Variants in KCNN3 observed in about 807,000 individuals in gnomAD.
KCNN3 encodes potassium calcium-activated channel subfamily N member 3, also known as small conductance calcium-activated potassium channel protein 3.
Under a neutral mutation model 62.9 loss-of-function variants are expected in KCNN3, and 16 were observed. That is an observed-to-expected ratio of 0.25 (90% CI 0.17 to 0.39). KCNN3 has a LOEUF of 0.39. Among genes scored for constraint, KCNN3 ranks in the 10% least tolerant of loss-of-function variants. The pLI is 1.00. For missense variants in KCNN3, 599 were observed against 949.4 expected, an observed-to-expected ratio of 0.63 and a Z score of 4.85; for synonymous variants, 370 against 389.2, an observed-to-expected ratio of 0.95 and a Z score of 0.58.
At chr1:154,799,769 C>T (rs1342608730) in intron 2 of KCNN3, among the ~76,000 whole-genome samples, 2 of 152,208 alleles carry the variant, frequency 1.3e-5, no homozygotes, top group Admixed American at 6.5e-5. Context: ...GCTTCTTGGT[C>T]AGCATGGTGG....
In KCNN3 at chr1:154,702,377, T is replaced by C. The variant is rs149723835; in HGVS notation, c.*5599A>G. 1 of 151,956 alleles carries C rather than the reference T, an allele frequency of 6.6e-6. No homozygotes were observed. The highest frequency in any genetic ancestry group is 2.4e-5 in the African/African-American group (1 of 41,464). The allele number at this position is 151,956 out of a possible 1,614,324, so 9.4% of individuals were successfully genotyped here. On this transcript the variant is annotated 3_prime_UTR_variant, in exon 8 of 8. Coordinates refer to ENST00000271915, the MANE Select transcript of KCNN3 (RefSeq NM_002249.6). Reference sequence around the variant, plus strand: ...TATGCTTTCTCCTATCATTAAAAAATAGCAAGCAGTACAGAGGCAAGATGC... The same window carrying C: ...TATGCTTTCTCCTATCATTAAAAAACAGCAAGCAGTACAGAGGCAAGATGC...
chr1:154,746,437 A>G (rs145303145), intron 3 of KCNN3, among the ~76,000 whole-genome samples: 22 of 152,208 alleles, frequency 1.4e-4, no homozygotes, highest in African/African-American at 5.1e-4. Context: ...CAAAGTTGCC[A>G]GTGCTGGGGT....
chr1:154,761,248 T>C (rs1272054008), intron 3 of KCNN3, among the ~76,000 whole-genome samples: 1 of 152,216 alleles, frequency 6.6e-6, no homozygotes, highest in Admixed American at 6.5e-5. Flanking sequence ...GCGGATCACC[T>C]GAGACCAGGA....
chr1:154,863,621 G>T (rs1443613943), intron 1 of KCNN3, among the ~76,000 whole-genome samples: 1 of 152,138 alleles, frequency 6.6e-6, no homozygotes, highest in Non-Finnish European at 1.5e-5. Context: ...CTCTACAGAG[G>T]TTACTCAAAT....
intron 1 of KCNN3, among the ~76,000 whole-genome samples, chr1:154,822,846 C>G (rs949224021): frequency 6.6e-6 from 1 of 152,184 alleles, no homozygotes; most frequent in Non-Finnish European, 1.5e-5. Context: ...GGGAGGTGAG[C>G]CCCGTGGCCT....
chr1:154,717,556 T>C (rs1700256987), intron 5 of KCNN3, among the ~76,000 whole-genome samples: 1 of 151,976 alleles, frequency 6.6e-6, no homozygotes, highest in African/African-American at 2.4e-5. Flanking sequence ...CTGGATTTTT[T>C]TTTTTTTTAA....
At chr1:154,812,333 T>A (rs1010636862) in intron 2 of KCNN3, among the ~76,000 whole-genome samples, 8 of 152,158 alleles carry the variant, frequency 5.3e-5, no homozygotes, top group African/African-American at 1.7e-4. Context: ...TATGTATACA[T>A]GTGCCATGTT....
At chr1:154,803,879 C>T (rs1650054904) in intron 2 of KCNN3, among the ~76,000 whole-genome samples, 1 of 152,236 alleles carries the variant, frequency 6.6e-6, no homozygotes, top group Admixed American at 6.5e-5. Context: ...AGGATTCACC[C>T]CTCCCTCCTT....
intron 1 of KCNN3, 151 bp downstream of exon 1, chr1:154,868,881 T>G: frequency 1.1e-6 from 1 of 875,582 alleles, no homozygotes; most frequent in Non-Finnish European, 1.9e-6. Context: ...TCTCTCCCAG[T>G]CTCCCTCCCA....
At chr1:154,851,569 GTC>G (rs1430048436) in intron 1 of KCNN3, among the ~76,000 whole-genome samples, 3 of 152,192 alleles carry the variant, frequency 2.0e-5, no homozygotes, top group Non-Finnish European at 4.4e-5. Context: ...TGGGCCAAAA[GTC>G]TCAGCCTCAT....
intron 1 of KCNN3, among the ~76,000 whole-genome samples, chr1:154,864,691 T>C (rs1293322151): frequency 6.6e-6 from 1 of 152,146 alleles, no homozygotes; most frequent in South Asian, 2.1e-4. Context: ...TGGATAAGCA[T>C]CTTCACACCA....
chr1:154,740,692 G>A (rs1342085336), intron 3 of KCNN3, among the ~76,000 whole-genome samples: 1 of 152,238 alleles, frequency 6.6e-6, no homozygotes, highest in Admixed American at 6.5e-5. Context: ...ACTAGTGGGT[G>A]AATTGGGATC....
chr1:154,826,076 A>AG (rs1651111033), intron 1 of KCNN3, among the ~76,000 whole-genome samples: 1 of 147,326 alleles, frequency 6.8e-6, no homozygotes, highest in Admixed American at 6.7e-5. Context: ...AACAAAAACA[A>AG]AAACAAAAAC....
chr1:154,783,367 C>T (rs11589855), intron 2 of KCNN3, among the ~76,000 whole-genome samples: 54,530 of 152,106 alleles, frequency 0.36, 10,248 homozygotes, highest in Middle Eastern at 0.49. Context: ...AAACCCACAT[C>T]GTTATCTGTA....
chr1:154,846,463 G>T (rs1057038290), intron 1 of KCNN3, among the ~76,000 whole-genome samples: 1 of 152,206 alleles, frequency 6.6e-6, no homozygotes, highest in Non-Finnish European at 1.5e-5. Context: ...TCTGCCCCCC[G>T]GGAGGAGGAG....
At chr1:154,791,362 C>G (rs1176338902) in intron 2 of KCNN3, among the ~76,000 whole-genome samples, 1 of 149,472 alleles carries the variant, frequency 6.7e-6, no homozygotes, top group Non-Finnish European at 1.5e-5. Flanking sequence ...CAGGTACATT[C>G]TTGCGGCTGG....
chr1:154,744,150 T>A (rs1257239396), intron 3 of KCNN3, among the ~76,000 whole-genome samples: 1 of 152,272 alleles, frequency 6.6e-6, no homozygotes, highest in African/African-American at 2.4e-5. Flanking sequence ...TATTACAATA[T>A]AAGGTTCATG....
chr1:154,842,589 C>T (rs1345633264), intron 1 of KCNN3, among the ~76,000 whole-genome samples: 1 of 151,858 alleles, frequency 6.6e-6, no homozygotes, highest in African/African-American at 2.4e-5. Flanking sequence ...TCCCTAAGTG[C>T]CAGACAGAAT....
intron 3 of KCNN3, among the ~76,000 whole-genome samples, chr1:154,766,416 T>TTATATATATATATA (rs373253800): frequency 0.015 from 1,100 of 71,700 alleles, 92 homozygotes; most frequent in African/African-American, 0.046. Context: ...TAGCCAGGCT[T>TTATATATATATATA]TATATATATA....
Sources: gnomAD v4.1 joint callset for allele counts (sites outside exome capture counted in the v4.1 genomes callset) on GRCh38, gnomAD v4.1.1 for gene constraint, MANE v1.5 for transcripts, NCBI Gene and HGNC (gene_info 2026-07-23, HGNC 2026-07-21) for gene names.